The following PTPN5 variants were observed in gnomAD, a reference collection of about 807,000 sequenced individuals.
PTPN5 encodes the protein protein tyrosine phosphatase non-receptor type 5, also known as tyrosine-protein phosphatase non-receptor type 5.
Under a neutral mutation model 73.9 loss-of-function variants are expected in PTPN5, and 29 were observed. The observed-to-expected ratio is 0.39, with a 90% confidence interval of 0.29 to 0.54. The LOEUF is 0.54. PTPN5 is among the 20% of genes least tolerant of loss of function. The pLI, the probability that PTPN5 is intolerant of heterozygous loss-of-function variation, is 0.65. For missense variants in PTPN5, 652 were observed against 751.4 expected (o/e 0.87, Z 1.55); for synonymous variants, 267 against 304.7 (o/e 0.88, Z 1.29).
chr11:18,736,836 A>G (rs1301334031), intron 9 of PTPN5, among the ~76,000 whole-genome samples: 3 of 152,134 alleles, frequency 2.0e-5, no homozygotes, highest in Non-Finnish European at 4.4e-5. Flanking sequence ...AGGTTCTAGG[A>G]TACTCGAGTC....
At chr11:18,792,172 C>G (rs1438979338), upstream of PTPN5, 1 of 152,272 alleles carries the variant, frequency 6.6e-6, no homozygotes, top group Non-Finnish European at 1.5e-5. Flanking sequence ...CCGGCAGGGC[C>G]GTGCGCGCTG....
Position 18,733,018 on chromosome 11 carries a change from C to T in PTPN5, c.1218+217G>A, listed in dbSNP as rs545617784. On this transcript the variant is annotated intron_variant, in intron 11 of 14. Coordinates refer to ENST00000358540, the MANE Select transcript of PTPN5 (RefSeq NM_006906.2). The surrounding 1 kb of genome is among the most constrained non-coding windows in gnomAD (Gnocchi z 4.3). ...CAGCAGAGTGCTGTGTTTAAGGTCA[C>T]GGGCACTGGAAGTGGAGAGGCCACC... Among the ~76,000 whole-genome samples the T allele has an allele frequency of 5.3e-5, 8 of 152,296 alleles. No homozygotes were observed. The highest frequency in any genetic ancestry group is 3.9e-4 in the East Asian group (2 of 5,178).
rs536165040 is a variant in PTPN5 at position 18,755,902 on chromosome 11, G to A, written c.97+9905C>T. 7.9e-5 allele frequency among the ~76,000 whole-genome samples: 12 copies of A among 151,232 alleles called. No individual in the cohort carries two copies. In the East Asian group the frequency reaches 2.4e-3, roughly 30 times the overall value. ...GCCTGTAATCCCAGTTACTTGGAAG[G>A]CTGAGGCAGGAGAATTGCTTGAACC... On this transcript the variant is annotated intron_variant, in intron 3 of 14. Coordinates refer to ENST00000358540, the MANE Select transcript of PTPN5 (RefSeq NM_006906.2).
At chr11:18,747,423 T>TTAA in intron 3 of PTPN5, among the ~76,000 whole-genome samples, 1 of 152,072 alleles carries the variant, frequency 6.6e-6, no homozygotes, top group East Asian at 1.9e-4. Context: ...AGTGCTGGAA[T>TTAA]TACAGGCGTG....
chr11:18,745,011 T>G (rs942952577), intron 3 of PTPN5, among the ~76,000 whole-genome samples: 1 of 152,196 alleles, frequency 6.6e-6, no homozygotes, highest in African/African-American at 2.4e-5. Flanking sequence ...TATACTGGAT[T>G]TCTGCTAAGA....
At chr11:18,738,318 C>T (rs559897654) in intron 8 of PTPN5, among the ~76,000 whole-genome samples, 25 of 152,294 alleles carry the variant, frequency 1.6e-4, no homozygotes, top group Middle Eastern at 3.4e-3. Context: ...ATCCCTATCT[C>T]GGGACCTAGG....
chr11:18,759,579 T>TA (rs1221456180), intron 3 of PTPN5, among the ~76,000 whole-genome samples: 6 of 152,238 alleles, frequency 3.9e-5, no homozygotes, highest in African/African-American at 1.4e-4. Flanking sequence ...ACTGCCCAGT[T>TA]AGTGTTCTTA....
intron 3 of PTPN5, among the ~76,000 whole-genome samples, chr11:18,753,837 T>C (rs1395501608): frequency 6.6e-6 from 1 of 152,062 alleles, no homozygotes; most frequent in Non-Finnish European, 1.5e-5. Flanking sequence ...GTGCAGCCCT[T>C]AGGAGCAAAG....
chr11:18,788,608 T>C (rs1345666699), intron 1 of PTPN5, among the ~76,000 whole-genome samples: 4 of 152,266 alleles, frequency 2.6e-5, no homozygotes, highest in Non-Finnish European at 4.4e-5. Context: ...GCTACTTGGC[T>C]TCTCCAAGAA....
chr11:18,791,330 C>A (rs1442129935), intron 1 of PTPN5, among the ~76,000 whole-genome samples, 195 bp downstream of exon 1: 2 of 152,202 alleles, frequency 1.3e-5, no homozygotes, highest in Non-Finnish European at 2.9e-5. Flanking sequence ...GACAAGCCCC[C>A]TCCTCTGCAT....
intron 3 of PTPN5, among the ~76,000 whole-genome samples, chr11:18,745,568 G>A (rs546628774): frequency 6.6e-6 from 1 of 152,214 alleles, no homozygotes; most frequent in East Asian, 1.9e-4. Context: ...ACTTTGCCAA[G>A]GTAACACCTA....
intron 1 of PTPN5, among the ~76,000 whole-genome samples, chr11:18,776,021 G>A (rs116494575): frequency 0.015 from 2,210 of 152,224 alleles, 47 homozygotes; most frequent in African/African-American, 0.05. Context: ...CGGCGGTCAC[G>A]GACCCAAAAG....
In PTPN5 at chr11:18,788,450, T is replaced by C. The variant is rs528772315; in HGVS notation, c.-114+3075A>G. ...TCTCAAGTCCCTTCTTTTATTCTTTTTGCTCCAGTTGGAATGAACTGCTTT... is the reference window on the plus strand; with the variant it reads ...TCTCAAGTCCCTTCTTTTATTCTTTCTGCTCCAGTTGGAATGAACTGCTTT... On this transcript the variant is annotated intron_variant, in intron 1 of 14. Transcript: ENST00000358540. Among the ~76,000 whole-genome samples the C allele has an allele frequency of 3.3e-5, 5 of 152,340 alleles. No individual in the cohort carries two copies. In the East Asian group the frequency reaches 9.6e-4, roughly 29 times the overall value.
chr11:18,741,108 T>C (rs544593548), intron 7 of PTPN5, among the ~76,000 whole-genome samples: 7 of 152,008 alleles, frequency 4.6e-5, no homozygotes, highest in Non-Finnish European at 1.0e-4. Flanking sequence ...TCCATCACCG[T>C]TGGAGGAAGT....
At chr11:18,746,880 C>T (rs1357995938) in intron 3 of PTPN5, among the ~76,000 whole-genome samples, 1 of 152,162 alleles carries the variant, frequency 6.6e-6, no homozygotes, top group Admixed American at 6.5e-5. Flanking sequence ...TCTCAAGGGG[C>T]AAGGTCTCTG....
At chr11:18,765,753 G>T (rs1850614539) in intron 3 of PTPN5, 54 bp downstream of exon 3, 10 of 1,242,646 alleles carry the variant, frequency 8.0e-6, no homozygotes, top group Non-Finnish European at 1.2e-5. Context: ...TTCAGCCGGG[G>T]CATTGTCTCT....
At chr11:18,790,180 C>G (rs1419999660) in intron 1 of PTPN5, among the ~76,000 whole-genome samples, 1 of 151,980 alleles carries the variant, frequency 6.6e-6, no homozygotes, top group Admixed American at 6.5e-5. Context: ...GCTGAGAAAC[C>G]ACCCGAACCT....
intron 3 of PTPN5, among the ~76,000 whole-genome samples, chr11:18,764,456 C>T (rs1850540872): frequency 6.6e-6 from 1 of 152,188 alleles, no homozygotes; most frequent in South Asian, 2.1e-4. Context: ...CAATGGCACC[C>T]CCTACTGGTT....
In PTPN5 at chr11:18,729,364, C is replaced by T. The variant is rs1297321909; in HGVS notation, c.1604+89G>A. The T allele has an allele frequency of 1.1e-5, 8 of 705,948 alleles. No individual in the cohort carries two copies. Among genetic ancestry groups the T allele is most frequent in the South Asian group, 7.7e-5 (5 of 64,634 alleles). 43.7% of individuals were successfully genotyped at this position (705,948 alleles called of 1,614,324 possible). ...GCCAGTGTTTTCCATCTGCCCCTCACCCCCCGCCCATGCACATGTGGGTCT... is the reference window on the plus strand; with the variant it reads ...GCCAGTGTTTTCCATCTGCCCCTCATCCCCCGCCCATGCACATGTGGGTCT... On this transcript the variant is annotated intron_variant, in intron 14 of 14. Coordinates refer to ENST00000358540, the MANE Select transcript of PTPN5 (RefSeq NM_006906.2). The surrounding 1 kb of genome is among the most constrained non-coding windows in gnomAD (Gnocchi z 5.2).
Sources: allele counts gnomAD v4.1 joint callset (sites outside exome capture counted in the v4.1 genomes callset), GRCh38; gene constraint gnomAD v4.1.1; non-coding constraint Gnocchi (gnomAD v3.1); transcripts MANE v1.5; gene names NCBI Gene and HGNC (gene_info 2026-07-23, HGNC 2026-07-21).